Variants in DTNB observed in about 807,000 individuals in gnomAD.
DTNB encodes the protein dystrobrevin beta.
Under a neutral mutation model 90.7 loss-of-function variants are expected in DTNB, and 63 were observed. That is an observed-to-expected ratio of 0.69 (90% CI 0.57 to 0.86). The LOEUF (loss-of-function observed/expected upper bound fraction) is 0.86, where lower values mean the gene tolerates loss of function less well. DTNB is among the 40% of genes least tolerant of loss of function. DTNB has a pLI of 0.00. For missense variants in DTNB, 744 were observed against 807.1 expected (o/e 0.92, Z 0.95); for synonymous variants, 277 against 286.7 (o/e 0.97, Z 0.34).
chr2:25,434,790 TTC>T (rs748726610), intron 12 of DTNB, among the ~76,000 whole-genome samples: 2 of 152,198 alleles, frequency 1.3e-5, no homozygotes, highest in Non-Finnish European at 2.9e-5. Flanking sequence ...CCAAACTGCT[TTC>T]TAAAGTGGCT....
At position 25,387,496 on chromosome 2, in the gene DTNB, A is replaced by C; in HGVS notation, c.1736-118T>G. ...ACACAGGTGTGGAACACCTAAGGGG[A>C]GATGGGGCCACAGCAGCTCCACCCA... On this transcript the variant is annotated intron_variant, in intron 17 of 20. Transcript: ENST00000406818. This position sits in a 1 kb window ranked among gnomAD's most constrained non-coding sequence, Gnocchi z 4.5. 1.1e-6 allele frequency: 1 copy of C among 885,586 alleles called. No individual in the cohort carries two copies. The highest frequency in any genetic ancestry group is 1.8e-5 in the South Asian group (1 of 55,844). The allele number at this position is 885,586 out of a possible 1,614,324, so 54.9% of individuals were successfully genotyped here. A position where few individuals can be genotyped will look rare whatever the true frequency, so the allele number is the denominator to read the frequency against.
intron 9 of DTNB, among the ~76,000 whole-genome samples, chr2:25,524,522 G>A (rs192005802): frequency 2.6e-5 from 4 of 151,258 alleles, no homozygotes; most frequent in East Asian, 2.0e-4. Context: ...ATCTTGTAGA[G>A]TTGAAGACAT....
At chr2:25,612,599 A>G (rs1286748528) in intron 4 of DTNB, among the ~76,000 whole-genome samples, 1 of 152,140 alleles carries the variant, frequency 6.6e-6, no homozygotes, top group Non-Finnish European at 1.5e-5. Context: ...AATGATGCTG[A>G]AAACAGAAAA....
At chr2:25,553,424 T>C (rs1198564334) in intron 8 of DTNB, among the ~76,000 whole-genome samples, 1 of 152,118 alleles carries the variant, frequency 6.6e-6, no homozygotes, top group Non-Finnish European at 1.5e-5. Context: ...TTAGGAGTTT[T>C]AGCTCACAGT....
At chr2:25,389,348 G>A (rs1359698451) in intron 16 of DTNB, among the ~76,000 whole-genome samples, 1 of 152,218 alleles carries the variant, frequency 6.6e-6, no homozygotes, top group Non-Finnish European at 1.5e-5. Context: ...GGCTGCAAGC[G>A]GGGCCATGGG....
chr2:25,525,145 G>A (rs1413580127), intron 9 of DTNB, among the ~76,000 whole-genome samples: 1 of 152,176 alleles, frequency 6.6e-6, no homozygotes, highest in African/African-American at 2.4e-5. Context: ...AGAACGACAT[G>A]TAGAGCATGA....
At chr2:25,550,474 C>T (rs974008966) in intron 8 of DTNB, among the ~76,000 whole-genome samples, 1 of 152,170 alleles carries the variant, frequency 6.6e-6, no homozygotes, top group Non-Finnish European at 1.5e-5. Flanking sequence ...ACATCTAGCA[C>T]TTGAATTTCA....
intron 11 of DTNB, among the ~76,000 whole-genome samples, chr2:25,453,556 C>T (rs533118259): frequency 6.6e-6 from 1 of 152,314 alleles, no homozygotes; most frequent in Admixed American, 6.5e-5. Flanking sequence ...CTTAGCTAAA[C>T]CTACCATAAA....
chr2:25,577,351 C>T (rs1384584346), intron 7 of DTNB, among the ~76,000 whole-genome samples: 1 of 152,060 alleles, frequency 6.6e-6, no homozygotes, highest in Non-Finnish European at 1.5e-5. Flanking sequence ...GCACAAGAAT[C>T]ATTTGAAACC....
At chr2:25,498,729 T>C (rs921670841) in intron 9 of DTNB, among the ~76,000 whole-genome samples, 3 of 150,560 alleles carry the variant, frequency 2.0e-5, no homozygotes, top group African/African-American at 7.4e-5. Flanking sequence ...ATTCTTGTGG[T>C]TCCAGCTATT....
intron 3 of DTNB, 111 bp from the exon 4 acceptor site, chr2:25,628,495 T>C (rs1453827004): frequency 1.9e-6 from 2 of 1,031,952 alleles, no homozygotes; most frequent in South Asian, 1.7e-5. Flanking sequence ...GAAGAAACTC[T>C]TTAGCCAACA....
intron 8 of DTNB, among the ~76,000 whole-genome samples, chr2:25,540,225 A>G (rs2080885499): frequency 6.6e-6 from 1 of 152,244 alleles, no homozygotes. Context: ...AAATCTATAG[A>G]TAATTCTGGA....
Position 25,461,536 on chromosome 2 carries a change from G to T in DTNB, c.1080-6042C>A, listed in dbSNP as rs2060947151. ...AGCAGAGTCAATAGTTTACAATTCA[G>T]ATTTTTTTCCTATAAAAACAAGAAT... On this transcript the variant is annotated intron_variant, in intron 10 of 20. Transcript: ENST00000406818. Among the ~76,000 whole-genome samples, 5 of 152,104 alleles carry T rather than the reference G, an allele frequency of 3.3e-5. No homozygotes were observed. In the South Asian group the frequency reaches 1.0e-3, roughly 32 times the overall value.
chr2:25,635,309 T>C (rs2148801104), intron 3 of DTNB, among the ~76,000 whole-genome samples: 1 of 152,196 alleles, frequency 6.6e-6, no homozygotes, highest in South Asian at 2.1e-4. Flanking sequence ...CGGGCGCCTG[T>C]AGTTCCAGCT....
intron 9 of DTNB, among the ~76,000 whole-genome samples, chr2:25,512,598 A>G (rs2074175445): frequency 6.6e-6 from 1 of 152,238 alleles, no homozygotes; most frequent in African/African-American, 2.4e-5. Context: ...GACTGATAAA[A>G]CAATAAGAGC....
Position 25,387,109 on chromosome 2 carries a change from C to G in DTNB, c.1825+180G>C. The G allele has an allele frequency of 3.5e-6, 2 of 571,234 alleles. No homozygotes were observed. The highest frequency in any genetic ancestry group is 6.2e-6 in the Non-Finnish European group (2 of 320,264). 35.4% of individuals were successfully genotyped at this position (571,234 alleles called of 1,614,324 possible). A position where few individuals can be genotyped will look rare whatever the true frequency, so the allele number is the denominator to read the frequency against. On this transcript the variant is annotated intron_variant, in intron 18 of 20. Coordinates refer to ENST00000406818, the MANE Select transcript of DTNB (RefSeq NM_021907.5). The surrounding 1 kb of genome is among the most constrained non-coding windows in gnomAD (Gnocchi z 4.5). Reference sequence around the variant, plus strand: ...AATGTGAAACCGCCCCTACGCGATCCTGTGTGACAGAGGCTCTCTGGGTGG... The same window carrying G: ...AATGTGAAACCGCCCCTACGCGATCGTGTGTGACAGAGGCTCTCTGGGTGG...
At chr2:25,414,085 G>A (rs2047277365) in intron 16 of DTNB, among the ~76,000 whole-genome samples, 1 of 152,216 alleles carries the variant, frequency 6.6e-6, no homozygotes, top group South Asian at 2.1e-4. Flanking sequence ...CTTCTTTAGA[G>A]AAGTGTCTGT....
chr2:25,654,060 C>G (rs2081579259), intron 1 of DTNB, among the ~76,000 whole-genome samples: 1 of 152,150 alleles, frequency 6.6e-6, no homozygotes, highest in Non-Finnish European at 1.5e-5. Context: ...AGATATAATG[C>G]CCATTTTACA....
At chr2:25,612,631 A>T (rs534000623) in intron 4 of DTNB, among the ~76,000 whole-genome samples, 8 of 152,124 alleles carry the variant, frequency 5.3e-5, no homozygotes, top group Non-Finnish European at 8.8e-5. Flanking sequence ...TATCAATAAA[A>T]CCAAAAGCTG....
Sources: allele counts gnomAD v4.1 joint callset (sites outside exome capture counted in the v4.1 genomes callset), GRCh38; gene constraint gnomAD v4.1.1; non-coding constraint Gnocchi (gnomAD v3.1); transcripts MANE v1.5; gene names NCBI Gene and HGNC (gene_info 2026-07-23, HGNC 2026-07-21).